Variants in SNX7 observed in about 807,000 individuals in gnomAD.
The protein encoded by SNX7 is sorting nexin 7.
Under a neutral mutation model 48.4 loss-of-function variants are expected in SNX7, and 35 were observed. The ratio of observed to expected loss-of-function variants is 0.72; its 90% CI spans 0.55 to 0.96. The LOEUF is 0.96. SNX7 is among the 40% of genes least tolerant of loss of function. The pLI is 0.00. For synonymous variants in SNX7, 190 were observed against 190.2 expected, an observed-to-expected ratio of 1.00 and a Z score of 0.01; for missense variants, 553 against 548.9, an observed-to-expected ratio of 1.01 and a Z score of -0.07.
chr1:98,683,975 A>G (rs1033997867), intron 1 of SNX7, among the ~76,000 whole-genome samples: 2 of 152,150 alleles, frequency 1.3e-5, no homozygotes, highest in Non-Finnish European at 2.9e-5. Flanking sequence ...TGCCTAGGGT[A>G]GGTGAGGGAA....
chr1:98,694,758 C>T (rs1651356795), intron 4 of SNX7, among the ~76,000 whole-genome samples: 2 of 151,508 alleles, frequency 1.3e-5, no homozygotes, highest in African/African-American at 4.9e-5. Flanking sequence ...CAGGCACCTG[C>T]CACCACGCCA....
At chr1:98,735,283 A>T (rs546581613) in intron 7 of SNX7, among the ~76,000 whole-genome samples, 250 of 152,250 alleles carry the variant, frequency 1.6e-3, no homozygotes, top group Non-Finnish European at 3.0e-3. Context: ...CTTAATTTGA[A>T]TTAGGTGTTT....
At chr1:98,668,479 T>C (rs2100906069) in intron 1 of SNX7, among the ~76,000 whole-genome samples, 1 of 152,310 alleles carries the variant, frequency 6.6e-6, no homozygotes, top group South Asian at 2.1e-4. Flanking sequence ...TGTGTTAAGA[T>C]GGAGCTGAAA....
At chr1:98,701,523 A>C (rs1651746658) in intron 6 of SNX7, among the ~76,000 whole-genome samples, 1 of 152,058 alleles carries the variant, frequency 6.6e-6, no homozygotes, top group Non-Finnish European at 1.5e-5. Context: ...AGAATTGTAC[A>C]TGCGTATTCC....
intron 8 of SNX7, among the ~76,000 whole-genome samples, chr1:98,748,892 A>G (rs762421932): frequency 6.6e-6 from 1 of 152,088 alleles, no homozygotes; most frequent in East Asian, 1.9e-4. Flanking sequence ...ACTGGAACAC[A>G]TATATAACAT....
intron 1 of SNX7, among the ~76,000 whole-genome samples, chr1:98,670,914 C>T (rs1649828024): frequency 6.7e-6 from 1 of 148,500 alleles, no homozygotes; most frequent in South Asian, 2.1e-4. Context: ...TGGTCAGGAG[C>T]AATGAGGAAA....
At chr1:98,662,721 C>T (rs1229023001) in intron 1 of SNX7, 1 of 1,289,390 alleles carries the variant, frequency 7.8e-7, no homozygotes, top group Non-Finnish European at 1.0e-6. Flanking sequence ...ACTCCAGTTT[C>T]TCAAGTTGCT....
chr1:98,733,404 C>G (rs1349527137), intron 7 of SNX7, among the ~76,000 whole-genome samples: 1 of 152,106 alleles, frequency 6.6e-6, no homozygotes, highest in Non-Finnish European at 1.5e-5. Flanking sequence ...AGTCCTCTTT[C>G]TTAAACTCCT....
intron 7 of SNX7, among the ~76,000 whole-genome samples, chr1:98,717,122 G>A (rs977125510): frequency 1.3e-5 from 2 of 151,594 alleles, no homozygotes; most frequent in Non-Finnish European, 2.9e-5. Flanking sequence ...TTTCTTTCAA[G>A]GAATTATTAT....
chr1:98,747,729 A>G (rs1357598044), intron 8 of SNX7, among the ~76,000 whole-genome samples: 2 of 152,158 alleles, frequency 1.3e-5, no homozygotes, highest in South Asian at 2.1e-4. Context: ...AACACAGTCA[A>G]TGGTAGAATT....
intron 1 of SNX7, among the ~76,000 whole-genome samples, chr1:98,666,742 A>G (rs558692161): frequency 9.2e-5 from 14 of 152,274 alleles, no homozygotes; most frequent in African/African-American, 3.4e-4. Context: ...TCTATAGGAT[A>G]TGGTGGAAGT....
At chr1:98,753,825 C>T (rs1557840894) in intron 8 of SNX7, among the ~76,000 whole-genome samples, 1 of 152,092 alleles carries the variant, frequency 6.6e-6, no homozygotes, top group East Asian at 1.9e-4. Flanking sequence ...GTTTTATAAA[C>T]ATTGTGGGTA....
intron 5 of SNX7, 71 bp downstream of exon 5, chr1:98,695,787 A>G (rs1332470267): frequency 9.2e-7 from 1 of 1,090,716 alleles, no homozygotes; most frequent in East Asian, 2.4e-5. Flanking sequence ...TTGTTGGTGT[A>G]ATATAGCAAC....
chr1:98,743,618 G>A (rs1486964389), intron 8 of SNX7, among the ~76,000 whole-genome samples: 1 of 151,952 alleles, frequency 6.6e-6, no homozygotes, highest in Non-Finnish European at 1.5e-5. Flanking sequence ...AAAAATTACA[G>A]AAATTTTGTA....
chr1:98,707,188 A>G (rs1652054663), intron 7 of SNX7, among the ~76,000 whole-genome samples: 1 of 152,168 alleles, frequency 6.6e-6, no homozygotes, highest in Non-Finnish European at 1.5e-5. Context: ...AATTTGATGT[A>G]GCTTTGTCTG....
intron 7 of SNX7, among the ~76,000 whole-genome samples, chr1:98,727,548 C>G (rs9660113): frequency 0.94 from 143,264 of 152,202 alleles, 67,794 homozygotes; most frequent in Non-Finnish European, 0.99. Flanking sequence ...CAGAAGTAGA[C>G]GTTTCAGAAG....
chr1:98,712,020 C>T (rs1652338462), intron 7 of SNX7, among the ~76,000 whole-genome samples: 1 of 152,154 alleles, frequency 6.6e-6, no homozygotes, highest in Non-Finnish European at 1.5e-5. Context: ...CTCATCTGTT[C>T]AAATTCTATC....
chr1:98,725,871 T>G (rs1451639788), intron 7 of SNX7, among the ~76,000 whole-genome samples: 1 of 152,182 alleles, frequency 6.6e-6, no homozygotes, highest in Admixed American at 6.5e-5. Context: ...CTTACTATAA[T>G]AGAAGACTTT....
At chr1:98,752,633 T>C (rs1654644283) in intron 8 of SNX7, among the ~76,000 whole-genome samples, 1 of 152,032 alleles carries the variant, frequency 6.6e-6, no homozygotes. Context: ...AAAGTGCAGT[T>C]TTCTGATGGC....
Sources: gnomAD v4.1 joint callset for allele counts (sites outside exome capture counted in the v4.1 genomes callset) on GRCh38, gnomAD v4.1.1 for gene constraint, MANE v1.5 for transcripts, NCBI Gene and HGNC (gene_info 2026-07-23, HGNC 2026-07-21) for gene names.